The following PRKACB variants were observed in gnomAD, a reference collection of about 807,000 sequenced individuals.
PRKACB encodes protein kinase cAMP-activated catalytic subunit beta, also known as cAMP-dependent protein kinase catalytic subunit beta.
PRKACB carries 16 observed loss-of-function variants against 51.4 expected under a neutral mutation model. That is an observed-to-expected ratio of 0.31 (90% confidence interval 0.21 to 0.47). The LOEUF (loss-of-function observed/expected upper bound fraction) is 0.47. PRKACB is among the 20% of genes least tolerant of loss of function. The probability of loss-of-function intolerance (pLI) is 1.00; values close to 1 mark genes in which losing one functional copy is unlikely to be tolerated. For synonymous variants in PRKACB, 147 were observed against 154.4 expected (o/e 0.95, Z 0.35); for missense variants, 309 against 464.5 (o/e 0.67, Z 3.08).
intron 1 of PRKACB, among the ~76,000 whole-genome samples, chr1:84,117,205 T>G (rs561736133): frequency 6.6e-6 from 1 of 152,250 alleles, no homozygotes; most frequent in South Asian, 2.1e-4. Context: ...TGGATTTGGT[T>G]TAGTAGTATT....
intron 5 of PRKACB, among the ~76,000 whole-genome samples, chr1:84,188,000 C>G (rs1328515712): frequency 1.3e-5 from 2 of 151,986 alleles, no homozygotes; most frequent in Non-Finnish European, 2.9e-5. Flanking sequence ...TTTTCATATT[C>G]TGCTATAAAG....
At chr1:84,088,321 C>A (rs1266106990) in intron 1 of PRKACB, among the ~76,000 whole-genome samples, 1 of 152,162 alleles carries the variant, frequency 6.6e-6, no homozygotes, top group Non-Finnish European at 1.5e-5. Flanking sequence ...GGAATCTAAA[C>A]CTTTAGGTCT....
intron 1 of PRKACB, among the ~76,000 whole-genome samples, chr1:84,112,384 CACA>C (rs1650310346): frequency 6.6e-6 from 1 of 151,946 alleles, no homozygotes; most frequent in Non-Finnish European, 1.5e-5. Context: ...AGGCATGCAC[CACA>C]ACACCTGGCT....
intron 2 of PRKACB, among the ~76,000 whole-genome samples, chr1:84,179,548 T>C (rs1423970763): frequency 6.6e-6 from 1 of 151,898 alleles, no homozygotes; most frequent in East Asian, 1.9e-4. Context: ...AGCATACTTA[T>C]AATTTTTATT....
intron 7 of PRKACB, 104 bp from the exon 8 acceptor site, chr1:84,202,579 A>G: frequency 7.9e-7 from 1 of 1,268,474 alleles, no homozygotes; most frequent in Non-Finnish European, 1.1e-6. Flanking sequence ...CAATTGCTTT[A>G]AAAAAATTTT....
intron 1 of PRKACB, among the ~76,000 whole-genome samples, chr1:84,079,832 A>T (rs544629678): frequency 6.6e-6 from 1 of 152,064 alleles, no homozygotes; most frequent in African/African-American, 2.4e-5. Flanking sequence ...CACCCGGCTA[A>T]TTTTTGTATT....
chr1:84,219,962 AT>A (rs751972428), intron 9 of PRKACB, among the ~76,000 whole-genome samples: 4 of 150,010 alleles, frequency 2.7e-5, no homozygotes, highest in Admixed American at 2.0e-4. Flanking sequence ...AAATTTTAGG[AT>A]TTTTTTTTCT....
intron 1 of PRKACB, among the ~76,000 whole-genome samples, chr1:84,106,315 C>T (rs1045303946): frequency 6.6e-6 from 1 of 152,122 alleles, no homozygotes; most frequent in African/African-American, 2.4e-5. Context: ...GGGGAAGTCA[C>T]ATTATCCCTG....
intron 1 of PRKACB, among the ~76,000 whole-genome samples, chr1:84,177,802 C>CA (rs1328416974): frequency 6.6e-6 from 1 of 151,870 alleles, no homozygotes. Context: ...ATCCACCCCT[C>CA]AGGAAGAATT....
upstream of PRKACB, among the ~76,000 whole-genome samples, chr1:84,140,102 T>C (rs1653256561): frequency 6.6e-6 from 1 of 152,060 alleles, no homozygotes; most frequent in Non-Finnish European, 1.5e-5. Flanking sequence ...CACTATCAGA[T>C]TTCAGACTTA....
At chr1:84,105,778 G>A (rs533220698) in intron 1 of PRKACB, among the ~76,000 whole-genome samples, 40 of 151,914 alleles carry the variant, frequency 2.6e-4, no homozygotes, top group African/African-American at 8.4e-4. Flanking sequence ...GGATTTTGAC[G>A]TATTGGTCAG....
chr1:84,191,745 A>C (rs1666854221), intron 5 of PRKACB, among the ~76,000 whole-genome samples: 1 of 152,096 alleles, frequency 6.6e-6, no homozygotes, highest in South Asian at 2.1e-4. Flanking sequence ...CACCACCTGG[A>C]TGATAGGAAC....
intron 1 of PRKACB, among the ~76,000 whole-genome samples, chr1:84,090,850 T>C (rs1648402420): frequency 6.6e-6 from 1 of 152,134 alleles, no homozygotes; most frequent in Non-Finnish European, 1.5e-5. Flanking sequence ...TGGAAGGAGT[T>C]AGAAAAATTT....
chr1:84,120,034 A>T lies in PRKACB; in HGVS notation c.46+41663A>T, dbSNP rs534323056. 1.2e-3 allele frequency among the ~76,000 whole-genome samples: 182 copies of T among 152,166 alleles called. 1 individual carries two copies. Among genetic ancestry groups the T allele is most frequent in the Middle Eastern group, 3.4e-3 (1 of 294 alleles). On this transcript the variant is annotated intron_variant, in intron 1 of 8. Coordinates refer to the PRKACB transcript ENST00000370688. ...GTCTCAGTAATAACCAGGATTAATC[A>T]CTCAAACAGAAGTAACTTTCCTTTT...
chr1:84,162,578 A>G (rs1269372928), intron 1 of PRKACB, among the ~76,000 whole-genome samples: 1 of 152,016 alleles, frequency 6.6e-6, no homozygotes, highest in Non-Finnish European at 1.5e-5. Flanking sequence ...TGGGCTTACT[A>G]TACTGAGTTT....
At chr1:84,096,127 G>A (rs777887952) in intron 1 of PRKACB, among the ~76,000 whole-genome samples, 4 of 151,890 alleles carry the variant, frequency 2.6e-5, no homozygotes, top group Non-Finnish European at 5.9e-5. Flanking sequence ...CTTGTTGGCT[G>A]TTCTCAGTCT....
intron 1 of PRKACB, among the ~76,000 whole-genome samples, chr1:84,093,880 G>A (rs904979751): frequency 3.0e-4 from 46 of 151,732 alleles, no homozygotes; most frequent in Non-Finnish European, 4.3e-4. Context: ...ACTATAAAGG[G>A]TATCAGTGTC....
upstream of PRKACB, among the ~76,000 whole-genome samples, chr1:84,143,445 C>T (rs1653640302): frequency 6.6e-6 from 1 of 151,508 alleles, no homozygotes; most frequent in South Asian, 2.1e-4. Flanking sequence ...AGTGAAACAA[C>T]GTTTAAAAAA....
At chr1:84,234,559 C>A (rs1328738510) in intron 9 of PRKACB, among the ~76,000 whole-genome samples, 1 of 152,222 alleles carries the variant, frequency 6.6e-6, no homozygotes, top group Non-Finnish European at 1.5e-5. Context: ...TGCTAGCAAT[C>A]AGCGAGACTC....
Sources: allele counts gnomAD v4.1 joint callset (sites outside exome capture counted in the v4.1 genomes callset), GRCh38; gene constraint gnomAD v4.1.1; transcripts MANE v1.5; gene names NCBI Gene and HGNC (gene_info 2026-07-23, HGNC 2026-07-21).